The following AGBL4 variants were observed in gnomAD, a reference collection of about 807,000 sequenced individuals.
AGBL4 encodes the protein cytosolic carboxypeptidase 6.
In AGBL4, 58 loss-of-function variants were observed where a neutral mutation model predicts 66.4. The ratio of observed to expected loss-of-function variants is 0.87; its 90% CI spans 0.71 to 1.09. The LOEUF is 1.09. Ranked by LOEUF, AGBL4 falls within the 50% of genes least tolerant of loss-of-function variation. The pLI is 0.00. For missense variants in AGBL4, 579 were observed against 631.0 expected, an observed-to-expected ratio of 0.92 and a Z score of 0.88; for synonymous variants, 234 against 222.9, an observed-to-expected ratio of 1.05 and a Z score of -0.44.
At chr1:48,767,062 C>A (rs1388778045) in intron 6 of AGBL4, among the ~76,000 whole-genome samples, 1 of 152,192 alleles carries the variant, frequency 6.6e-6, no homozygotes, top group Admixed American at 6.5e-5. Flanking sequence ...TAGAAGATTA[C>A]TGAACATTCA....
At chr1:49,281,373 T>C (rs1471200118) in intron 3 of AGBL4, among the ~76,000 whole-genome samples, 4 of 152,204 alleles carry the variant, frequency 2.6e-5, no homozygotes, top group Non-Finnish European at 5.9e-5. Context: ...TGGGGGTTTA[T>C]GGTGGTTAGG....
chr1:48,986,842 T>C (rs1343996706), intron 5 of AGBL4, among the ~76,000 whole-genome samples: 1 of 152,048 alleles, frequency 6.6e-6, no homozygotes, highest in African/African-American at 2.4e-5. Flanking sequence ...TAGTTTGGGG[T>C]TTATAATGGA....
At chr1:48,915,040 AGGAAATCT>A (rs1653468751) in intron 5 of AGBL4, among the ~76,000 whole-genome samples, 2 of 152,222 alleles carry the variant, frequency 1.3e-5, no homozygotes, top group Non-Finnish European at 2.9e-5. Context: ...TTCGTCCGTG[AGGAAATCT>A]CTATCGTGTT....
chr1:48,657,860 C>CT (rs1557859828), intron 7 of AGBL4, among the ~76,000 whole-genome samples: 1 of 152,200 alleles, frequency 6.6e-6, no homozygotes, highest in Admixed American at 6.5e-5. Flanking sequence ...TCCTGCACTT[C>CT]TTTTTTGAGA....
intron 3 of AGBL4, among the ~76,000 whole-genome samples, chr1:49,564,007 G>T (rs1341073484): frequency 6.6e-6 from 1 of 152,122 alleles, no homozygotes; most frequent in East Asian, 1.9e-4. Flanking sequence ...GGTCTATTAA[G>T]GGATTCAACT....
At chr1:48,646,927 T>C (rs1645846344) in intron 8 of AGBL4, among the ~76,000 whole-genome samples, 1 of 152,206 alleles carries the variant, frequency 6.6e-6, no homozygotes, top group Non-Finnish European at 1.5e-5. Context: ...GCTCCTCTTG[T>C]ATCTCTCAGC....
At chr1:48,752,012 ACTT>A (rs1250414326) in intron 6 of AGBL4, among the ~76,000 whole-genome samples, 1 of 152,194 alleles carries the variant, frequency 6.6e-6, no homozygotes, top group Non-Finnish European at 1.5e-5. Flanking sequence ...AAACTACTCC[ACTT>A]CTTATTACTA....
At chr1:50,013,646 G>A (rs1661717350) in intron 1 of AGBL4, among the ~76,000 whole-genome samples, 1 of 152,174 alleles carries the variant, frequency 6.6e-6, no homozygotes, top group South Asian at 2.1e-4. Context: ...AGAAGTTACA[G>A]TATTACAGCT....
intron 3 of AGBL4, among the ~76,000 whole-genome samples, chr1:49,568,370 C>T (rs183453250): frequency 7.5e-4 from 112 of 148,852 alleles, no homozygotes; most frequent in Admixed American, 5.4e-3. Flanking sequence ...AAATCAGGAA[C>T]GCAATACTAT....
At chr1:48,926,231 T>G (rs1654549519) in intron 5 of AGBL4, among the ~76,000 whole-genome samples, 1 of 152,072 alleles carries the variant, frequency 6.6e-6, no homozygotes, top group Non-Finnish European at 1.5e-5. Context: ...CTGACCACTT[T>G]GCATGACCAT....
intron 4 of AGBL4, among the ~76,000 whole-genome samples, chr1:49,161,281 C>A (rs1486570551): frequency 6.6e-6 from 1 of 152,188 alleles, no homozygotes; most frequent in African/African-American, 2.4e-5. Flanking sequence ...CACAGTCCCT[C>A]ACAGCTTCCC....
At chr1:49,973,944 G>T (rs1463490281) in intron 1 of AGBL4, among the ~76,000 whole-genome samples, 1 of 151,802 alleles carries the variant, frequency 6.6e-6, no homozygotes, top group Non-Finnish European at 1.5e-5. Context: ...TGGTAGGAAC[G>T]CTAAAACAAA....
At chr1:48,886,066 A>G (rs1406908635) in intron 5 of AGBL4, among the ~76,000 whole-genome samples, 3 of 152,092 alleles carry the variant, frequency 2.0e-5, no homozygotes, top group African/African-American at 7.2e-5. Flanking sequence ...TTGGGGAGAG[A>G]GAGGTCAGGT....
intron 5 of AGBL4, among the ~76,000 whole-genome samples, chr1:49,006,695 G>A (rs1225973199): frequency 1.1e-4 from 16 of 150,954 alleles, no homozygotes; most frequent in East Asian, 7.8e-4. Context: ...CGGGCAGACT[G>A]CCTCCTCAAG....
At chr1:49,973,191 C>T (rs893326041) in intron 1 of AGBL4, among the ~76,000 whole-genome samples, 2 of 152,138 alleles carry the variant, frequency 1.3e-5, no homozygotes, top group African/African-American at 4.8e-5. Flanking sequence ...CTAGGTTTTG[C>T]CCTTACTCAC....
chr1:49,866,640 T>C (rs1191451829), intron 1 of AGBL4, among the ~76,000 whole-genome samples: 2 of 152,090 alleles, frequency 1.3e-5, no homozygotes, highest in Non-Finnish European at 2.9e-5. Context: ...GGCATGCACC[T>C]GTAATCCCAG....
chr1:49,136,750 A>C (rs1646018917), intron 4 of AGBL4, among the ~76,000 whole-genome samples: 2 of 152,188 alleles, frequency 1.3e-5, no homozygotes, highest in Non-Finnish European at 2.9e-5. Flanking sequence ...GAAAAAACAT[A>C]AATACAGAAG....
intron 3 of AGBL4, among the ~76,000 whole-genome samples, chr1:49,324,149 G>GA (rs888060981): frequency 6.6e-6 from 1 of 152,156 alleles, no homozygotes; most frequent in African/African-American, 2.4e-5. Context: ...GTCAATTTAA[G>GA]AAAGATATCT....
intron 5 of AGBL4, among the ~76,000 whole-genome samples, chr1:48,897,061 T>A (rs1369858574): frequency 6.6e-6 from 1 of 152,224 alleles, no homozygotes; most frequent in Non-Finnish European, 1.5e-5. Flanking sequence ...ATGTATAACA[T>A]ATCATCTTTA....
Sources: gnomAD v4.1 joint callset for allele counts (sites outside exome capture counted in the v4.1 genomes callset) on GRCh38, gnomAD v4.1.1 for gene constraint, MANE v1.5 for transcripts, NCBI Gene and HGNC (gene_info 2026-07-23, HGNC 2026-07-21) for gene names.